Variants in RALYL observed in about 807,000 individuals in gnomAD.
RALYL encodes RALY RNA binding protein like.
Under a neutral mutation model 35.1 loss-of-function variants are expected in RALYL, and 29 were observed. The observed-to-expected ratio is 0.83, with a 90% confidence interval of 0.61 to 1.13. The LOEUF (loss-of-function observed/expected upper bound fraction) is 1.13. Among genes scored for constraint, RALYL ranks in the 50% most tolerant of loss-of-function variants. RALYL has a pLI of 0.00. For missense variants in RALYL, 359 were observed against 360.4 expected, an observed-to-expected ratio of 1.00 and a Z score of 0.03; for synonymous variants, 120 against 127.6, an observed-to-expected ratio of 0.94 and a Z score of 0.40.
At chr8:84,577,492 A>G (rs1298458861) in intron 2 of RALYL, among the ~76,000 whole-genome samples, 2 of 152,364 alleles carry the variant, frequency 1.3e-5, no homozygotes, top group Non-Finnish European at 2.9e-5. Flanking sequence ...AGGCTAAAAT[A>G]TATACAGATT....
intron 1 of RALYL, among the ~76,000 whole-genome samples, chr8:84,525,295 T>C (rs370017473): frequency 6.6e-6 from 1 of 152,136 alleles, no homozygotes. Context: ...TTGTTTGCAC[T>C]GAAAAATTCA....
chr8:84,398,388 T>A lies in RALYL; in HGVS notation c.-23-130911T>A, dbSNP rs534095700. On this transcript the variant is annotated intron_variant, in intron 1 of 8. Transcript: ENST00000521268. The stretch of plus-strand genomic sequence containing the variant: ...ACCAAACCACAAAACAGTTTTAGAC[T>A]ATACATGTCTCTTGAATAAAGCGAA... Among the ~76,000 whole-genome samples, 10 of 152,274 alleles carry A rather than the reference T, an allele frequency of 6.6e-5. No homozygotes were observed. In the East Asian group the frequency reaches 1.9e-3, roughly 29 times the overall value.
intron 2 of RALYL, among the ~76,000 whole-genome samples, chr8:84,719,350 G>T (rs1002276022): frequency 3.9e-5 from 6 of 152,168 alleles, no homozygotes; most frequent in African/African-American, 1.4e-4. Context: ...GATATAGGCT[G>T]TTTGTGAACT....
At chr8:84,384,058 C>A (rs907528598) in intron 1 of RALYL, among the ~76,000 whole-genome samples, 1 of 151,744 alleles carries the variant, frequency 6.6e-6, no homozygotes, top group Admixed American at 6.6e-5. Flanking sequence ...TAATTGCCTA[C>A]TTTTTCCAGG....
intron 2 of RALYL, among the ~76,000 whole-genome samples, chr8:84,640,662 GA>G (rs1224567552): frequency 1.3e-5 from 2 of 151,768 alleles, no homozygotes; most frequent in Non-Finnish European, 2.9e-5. Context: ...ACAACTGGAG[GA>G]AAAAACTTAC....
chr8:84,679,415 G>T, intron 2 of RALYL: 1 of 281,720 alleles, frequency 3.5e-6, no homozygotes. Flanking sequence ...AGCCTCCCAA[G>T]AGTGTGCTCT....
At chr8:84,435,768 T>C (rs1343697421) in intron 1 of RALYL, among the ~76,000 whole-genome samples, 1 of 152,178 alleles carries the variant, frequency 6.6e-6, no homozygotes, top group Non-Finnish European at 1.5e-5. Flanking sequence ...ATTGTAGTTC[T>C]AGAATTGGCC....
intron 2 of RALYL, among the ~76,000 whole-genome samples, chr8:84,557,035 G>C (rs2061171698): frequency 6.6e-6 from 1 of 152,200 alleles, no homozygotes; most frequent in Non-Finnish European, 1.5e-5. Flanking sequence ...GATCTGAAAA[G>C]CTAATTGGTA....
At chr8:84,913,032 A>ATGGATGGATAGGTAGG (rs567355226) in intron 8 of RALYL, among the ~76,000 whole-genome samples, 33 of 109,128 alleles carry the variant, frequency 3.0e-4, no homozygotes, top group East Asian at 8.0e-4. Flanking sequence ...GGATGGATGG[A>ATGGATGGATAGGTAGG]TAGGTAGGTA....
intron 1 of RALYL, among the ~76,000 whole-genome samples, chr8:84,436,623 T>C (rs961995700): frequency 2.0e-5 from 3 of 148,284 alleles, no homozygotes; most frequent in Non-Finnish European, 4.5e-5. Flanking sequence ...TGGATGTACT[T>C]CTTGGAACAT....
intron 2 of RALYL, among the ~76,000 whole-genome samples, chr8:84,547,352 T>C (rs954618990): frequency 6.6e-6 from 1 of 151,480 alleles, no homozygotes; most frequent in Admixed American, 6.6e-5. Context: ...AGGACTGTTG[T>C]TATTTTTTTT....
At chr8:84,409,519 A>G (rs2043889929) in intron 1 of RALYL, among the ~76,000 whole-genome samples, 1 of 152,080 alleles carries the variant, frequency 6.6e-6, no homozygotes, top group Non-Finnish European at 1.5e-5. Context: ...GAGGAGAGCT[A>G]TCATAGAGCT....
intron 2 of RALYL, among the ~76,000 whole-genome samples, chr8:84,711,352 T>C (rs1842155810): frequency 6.6e-6 from 1 of 152,182 alleles, no homozygotes; most frequent in Non-Finnish European, 1.5e-5. Flanking sequence ...CAATAATTTT[T>C]AAATGACAAG....
rs188436967 is a variant in RALYL at position 84,442,393 on chromosome 8, A to G, written c.-23-86906A>G. Among the ~76,000 whole-genome samples the G allele has an allele frequency of 3.5e-3, 528 of 152,264 alleles. 4 individuals carry two copies. The highest frequency in any genetic ancestry group is 0.026 in the South Asian group (125 of 4,830). ...GCCGTACATAGAGTCTATTTTCTCT[A>G]GTATTAAATTCTTTATACAACGTTT... is the stretch of plus-strand genomic sequence containing the variant. On this transcript the variant is annotated intron_variant, in intron 1 of 8. Coordinates refer to ENST00000521268, the MANE Select transcript of RALYL (RefSeq NM_173848.7).
chr8:84,270,346 G>GT, intron 1 of RALYL, among the ~76,000 whole-genome samples: 1 of 152,252 alleles, frequency 6.6e-6, no homozygotes, highest in Non-Finnish European at 1.5e-5. Context: ...TCCTTGAAAG[G>GT]TTTTTGATAA....
At chr8:84,469,813 C>G (rs752792544) in intron 1 of RALYL, among the ~76,000 whole-genome samples, 1 of 151,822 alleles carries the variant, frequency 6.6e-6, no homozygotes, top group Non-Finnish European at 1.5e-5. Context: ...TAGGACCCTC[C>G]GAGCCAGGTG....
rs1827986349 is a variant in RALYL at position 84,819,245 on chromosome 8, C to T, written c.365+14443C>T. ...CCAGGCTACTTCTCTGGAGAGTACACAAAGTTTCCACAGCGCTATTTTTGT... is the reference window on the plus strand; with the variant it reads ...CCAGGCTACTTCTCTGGAGAGTACATAAAGTTTCCACAGCGCTATTTTTGT... On this transcript the variant is annotated intron_variant, in intron 4 of 8. Coordinates refer to ENST00000521268, the MANE Select transcript of RALYL (RefSeq NM_173848.7). 2.0e-5 allele frequency among the ~76,000 whole-genome samples: 3 copies of T among 152,128 alleles called. No homozygotes were observed. The South Asian group carries it at 6.2e-4, about 32-fold the overall frequency.
chr8:84,708,469 C>T (rs1418848510), intron 2 of RALYL, among the ~76,000 whole-genome samples: 2 of 152,114 alleles, frequency 1.3e-5, no homozygotes, highest in African/African-American at 4.8e-5. Flanking sequence ...GCATTAAATA[C>T]TTTCAACTGT....
chr8:84,804,870 G>GT (rs1235566599), intron 4 of RALYL, 68 bp downstream of exon 4: 1 of 813,380 alleles, frequency 1.2e-6, no homozygotes, highest in African/African-American at 1.8e-5. Context: ...TTCTGAGATG[G>GT]TATTTTCAGT....
Sources: gnomAD v4.1 joint callset for allele counts (sites outside exome capture counted in the v4.1 genomes callset) on GRCh38, gnomAD v4.1.1 for gene constraint, MANE v1.5 for transcripts, NCBI Gene and HGNC (gene_info 2026-07-23, HGNC 2026-07-21) for gene names.